GK: variants seen among roughly 807,000 people sequenced by gnomAD.
The protein encoded by GK is ATP:glycerol 3-phosphotransferase.
GK carries 9 observed loss-of-function variants against 56.4 expected under a neutral mutation model. The ratio of observed to expected loss-of-function variants is 0.16; its 90% CI spans 0.10 to 0.28. The LOEUF (loss-of-function observed/expected upper bound fraction) is 0.28. Among genes scored for constraint, GK ranks in the 10% least tolerant of loss-of-function variants. The pLI is 1.00. For missense variants in GK, 161 were observed against 431.4 expected, an observed-to-expected ratio of 0.37 and a Z score of 5.55; for synonymous variants, 104 against 144.1, an observed-to-expected ratio of 0.72 and a Z score of 1.99.
chrX:30,724,229 A>T (rs765440079), intron 19 of GK, 48 bp downstream of exon 19: 1 of 787,631 alleles, frequency 1.3e-6, no homozygotes, highest in South Asian at 2.2e-5. Context: ...AGTATATTAA[A>T]TAGTTATTTA....
At chrX:30,672,540 G>A (rs189150647) in intron 3 of GK, among the ~76,000 whole-genome samples, 238 of 112,335 alleles carry the variant, frequency 2.1e-3, no homozygotes, top group African/African-American at 7.6e-3. Context: ...CAGGCCGGGC[G>A]CAGTGGCTCA....
chrX:30,660,792 A>AT (rs369296212), intron 1 of GK, among the ~76,000 whole-genome samples: 1,892 of 90,068 alleles, frequency 0.021, 64 homozygotes, highest in African/African-American at 0.07. Flanking sequence ...CTGAGAACAG[A>AT]TTTTTTTTTT....
At chrX:30,712,863 T>C (rs1451700359) in intron 13 of GK, among the ~76,000 whole-genome samples, 2 of 108,076 alleles carry the variant, frequency 1.9e-5, no homozygotes, top group Non-Finnish European at 3.8e-5. Flanking sequence ...TAGCTGGGAC[T>C]ACAGATGCCC....
intron 2 of GK, among the ~76,000 whole-genome samples, chrX:30,665,838 T>C (rs1933042648): frequency 8.9e-6 from 1 of 112,201 alleles, no homozygotes; most frequent in African/African-American, 3.2e-5. Context: ...TATCAGAAAT[T>C]TCACATTAAC....
At chrX:30,656,012 T>C (rs776963753) in intron 1 of GK, among the ~76,000 whole-genome samples, 1 of 111,751 alleles carries the variant, frequency 8.9e-6, no homozygotes, top group African/African-American at 3.3e-5. Context: ...AAAATTGTCC[T>C]CTCCTTGAGA....
In GK at chrX:30,677,192, T is replaced by C. The variant is rs193207265; in HGVS notation, c.260-183T>C. 3.6e-5 allele frequency among the ~76,000 whole-genome samples: 4 copies of C among 112,149 alleles called. No individual in the cohort carries two copies. In the Admixed American group the frequency reaches 3.8e-4, roughly 11 times the overall value. ...TAGAAATGAAAAGAAACACTTGGCA[T>C]TGGGTATTGACTTTTTCTGGAGCCA... On this transcript the variant is annotated intron_variant, in intron 3 of 20. Coordinates refer to ENST00000427190, the MANE Select transcript of GK (RefSeq NM_001205019.2).
intron 1 of GK, among the ~76,000 whole-genome samples, chrX:30,664,513 T>A (rs1340092445): frequency 2.7e-5 from 3 of 109,232 alleles, no homozygotes; most frequent in Non-Finnish European, 5.7e-5. Context: ...TGCTATATTT[T>A]AAAAAGTGTT....
chrX:30,723,366 G>A (rs1381816653), intron 18 of GK, among the ~76,000 whole-genome samples: 1 of 108,149 alleles, frequency 9.2e-6, no homozygotes, highest in Non-Finnish European at 1.9e-5. Flanking sequence ...CTGCACTCCA[G>A]CCTGGGCGAC....
chrX:30,694,575 C>T, intron 6 of GK, 38 bp downstream of exon 6: 1 of 1,126,335 alleles, frequency 8.9e-7, no homozygotes. Context: ...AGAATTTTTT[C>T]AGAAATTTTT....
chrX:30,681,333 C>T (rs1002623810), intron 4 of GK, among the ~76,000 whole-genome samples: 1 of 112,001 alleles, frequency 8.9e-6, no homozygotes, highest in Non-Finnish European at 1.9e-5. Context: ...GTTTTACCAT[C>T]AGAGGAGACA....
intron 10 of GK, 120 bp downstream of exon 10, chrX:30,700,569 T>A (rs1488828609): frequency 6.6e-6 from 4 of 607,377 alleles, no homozygotes; most frequent in Non-Finnish European, 5.4e-6. Context: ...AGTTGCAAAA[T>A]TGGCTAATTC....
intron 13 of GK, among the ~76,000 whole-genome samples, chrX:30,717,418 T>C (rs1936683194): frequency 9.0e-6 from 1 of 110,958 alleles, no homozygotes; most frequent in Non-Finnish European, 1.9e-5. Context: ...TACAGATTTT[T>C]ACAACCATCA....
chrX:30,662,194 T>G (rs1450266723), intron 1 of GK, among the ~76,000 whole-genome samples: 1 of 112,742 alleles, frequency 8.9e-6, no homozygotes, highest in Non-Finnish European at 1.9e-5. Context: ...ATCATTAATA[T>G]TTTATATCTA....
chrX:30,653,507 C>T lies in GK; in HGVS notation c.-31C>T, dbSNP rs774924302. 8.4e-7 allele frequency: 1 copy of T among 1,190,356 alleles called. No homozygotes were observed. The highest frequency in any genetic ancestry group is 2.2e-5 in the Admixed American group (1 of 46,079). On this transcript the variant is annotated 5_prime_UTR_variant, in exon 1 of 21. Coordinates refer to ENST00000427190, the MANE Select transcript of GK (RefSeq NM_001205019.2). ...CGCCGCCGTCACCCAGGAAACCGGCCGCAATCGCCGGCCGACCTGAAGCTG... is the reference window on the plus strand; with the variant it reads ...CGCCGCCGTCACCCAGGAAACCGGCTGCAATCGCCGGCCGACCTGAAGCTG...
chrX:30,660,738 C>T lies in GK; in HGVS notation c.79-4773C>T, dbSNP rs1010248860. On this transcript the variant is annotated intron_variant, in intron 1 of 20. Coordinates refer to ENST00000427190, the MANE Select transcript of GK (RefSeq NM_001205019.2). Reference sequence around the variant, plus strand: ...GTGTGCTCTTTGCCTCTACATCACACCAAGCATGACGTTGTCAACTACCTT... The same window carrying T: ...GTGTGCTCTTTGCCTCTACATCACATCAAGCATGACGTTGTCAACTACCTT... Among the ~76,000 whole-genome samples, 13 of 109,551 alleles carry T rather than the reference C, an allele frequency of 1.2e-4. 1 individual carries two copies. In the East Asian group the frequency reaches 3.4e-3, roughly 29 times the overall value.
chrX:30,691,316 A>G, intron 5 of GK, 117 bp downstream of exon 5: 1 of 462,521 alleles, frequency 2.2e-6, no homozygotes, highest in Non-Finnish European at 3.8e-6. Context: ...AATTTATAGA[A>G]TCTTTTTCCC....
chrX:30,720,868 C>T lies in GK; in HGVS notation c.1374C>T (p.Pro458=), dbSNP rs1236212910. ...TCTCCTCAGTGAAGCCCTCAATGCC[C>T]GAAACCACTGCACTGGGTGCGGCTA... ...LYIPVVKPSM[P]ETTALGAAMA... is the part of the protein sequence containing the mutation. Residue 458 remains proline, a synonymous_variant, in exon 18 of 21, where the codon CCC becomes CCT. Coordinates refer to ENST00000427190, the MANE Select transcript of GK (RefSeq NM_001205019.2). 7.4e-6 allele frequency: 9 copies of T among 1,210,278 alleles called. No individual in the cohort carries two copies. The highest frequency in any genetic ancestry group is 4.4e-5 in the Admixed American group (2 of 45,879).
chrX:30,671,152 G>T (rs377693419), intron 3 of GK, among the ~76,000 whole-genome samples: 9 of 108,873 alleles, frequency 8.3e-5, no homozygotes. Context: ...TTAGCTGGGC[G>T]TGGTGGCGCA....
intron 3 of GK, chrX:30,674,411 A>C: frequency 3.0e-6 from 1 of 328,847 alleles, no homozygotes; most frequent in Non-Finnish European, 5.9e-6. Context: ...TTCCTTCATC[A>C]CAAGGGCAGC....
Sources: gnomAD v4.1 joint callset for allele counts (sites outside exome capture counted in the v4.1 genomes callset) on GRCh38, gnomAD v4.1.1 for gene constraint, MANE v1.5 for transcripts, NCBI Gene and HGNC (gene_info 2026-07-23, HGNC 2026-07-21) for gene names.